PIK3CD: variants seen among roughly 807,000 people sequenced by gnomAD.
PIK3CD encodes phosphatidylinositol-4,5-bisphosphate 3-kinase catalytic subunit delta.
A neutral mutation model predicts 122.9 loss-of-function variants in PIK3CD; 20 were observed. That is an observed-to-expected ratio of 0.16 (90% CI 0.11 to 0.24). The LOEUF is 0.24. Ranked by LOEUF, PIK3CD falls within the 10% of genes least tolerant of loss-of-function variation. PIK3CD has a pLI of 1.00. For missense variants in PIK3CD, 787 were observed against 1,406.3 expected (o/e 0.56, Z 7.04); for synonymous variants, 596 against 593.4 (o/e 1.00, Z -0.06).
In PIK3CD at chr1:9,711,283, T is replaced by G. The variant is rs551265567; in HGVS notation, c.141+687T>G. Among the ~76,000 whole-genome samples, 49 of 151,882 alleles carry G rather than the reference T, an allele frequency of 3.2e-4. 1 individual carries two copies. Among genetic ancestry groups the G allele is most frequent in the African/African-American group, 1.1e-3 (47 of 41,398 alleles). On this transcript the variant is annotated intron_variant, in intron 3 of 23. Transcript: ENST00000377346. ...TAATTTTTGTGTTTTTTAGTAGAGATGGGGTTATGCCATGTTGGCCTGGCT... is the reference window on the plus strand; with the variant it reads ...TAATTTTTGTGTTTTTTAGTAGAGAGGGGGTTATGCCATGTTGGCCTGGCT...
intron 5 of PIK3CD, 160 bp downstream of exon 5, chr1:9,716,238 C>G (rs1282087959): frequency 3.6e-6 from 3 of 825,776 alleles, no homozygotes; most frequent in East Asian, 2.7e-5. Context: ...GAACGTCCCC[C>G]CAGGCAAGCT....
In PIK3CD at chr1:9,705,413, A is replaced by G. The variant is rs148864408; in HGVS notation, c.-32-5011A>G. Among the ~76,000 whole-genome samples, 551 of 151,664 alleles carry G rather than the reference A, an allele frequency of 3.6e-3. 4 individuals carry two copies. Among genetic ancestry groups the G allele is most frequent in the African/African-American group, 0.013 (531 of 41,324 alleles). Reference sequence around the variant, plus strand: ...CTGGGAGCCTGAGGTTGGGAGGATCACCTGAGCCTGGGAGGTTGAGGCTGC... The same window carrying G: ...CTGGGAGCCTGAGGTTGGGAGGATCGCCTGAGCCTGGGAGGTTGAGGCTGC... On this transcript the variant is annotated intron_variant, in intron 2 of 23. Coordinates refer to ENST00000377346, the MANE Select transcript of PIK3CD (RefSeq NM_005026.5).
intron 2 of PIK3CD, among the ~76,000 whole-genome samples, chr1:9,701,668 CA>C (rs1163030937): frequency 0.29 from 23,011 of 79,066 alleles, 1,336 homozygotes; most frequent in South Asian, 0.41. Context: ...GACTCTGTCT[CA>C]AAAAAAAAAA....
intron 2 of PIK3CD, among the ~76,000 whole-genome samples, chr1:9,705,834 T>G (rs1380085513): frequency 2.0e-5 from 3 of 152,300 alleles, no homozygotes; most frequent in Admixed American, 6.5e-5. Flanking sequence ...GACCAATATC[T>G]GGAGATTGAT....
At chr1:9,687,625 G>C (rs1646019500) in intron 1 of PIK3CD, 1 of 152,148 alleles carries the variant, frequency 6.6e-6, no homozygotes, top group Non-Finnish European at 1.5e-5. Context: ...CCCGGCCCGG[G>C]CTCCGCCCTC....
rs947204988 is a variant in PIK3CD at position 9,722,450 on chromosome 1, C to T, written c.2348-78C>T. ...GGGTGGAGAAGACAGAATCCTGGGA[C>T]TTAAGGGCTTGGGTGTAGCTGGAAG... On this transcript the variant is annotated intron_variant, in intron 18 of 23. Transcript: ENST00000377346. The surrounding 1 kb of genome is among the most constrained non-coding windows in gnomAD (Gnocchi z 7.6). 5 of 1,542,866 alleles carry T rather than the reference C, an allele frequency of 3.2e-6. No individual in the cohort carries two copies. In the African/African-American group the frequency reaches 5.4e-5, roughly 17 times the overall value.
chr1:9,710,285 G>C lies in PIK3CD; in HGVS notation c.-32-139G>C. 1 of 739,746 alleles carries C rather than the reference G, an allele frequency of 1.4e-6. No individual in the cohort carries two copies. The highest frequency in any genetic ancestry group is 2.0e-5 in the Admixed American group (1 of 51,146). The allele number at this position is 739,746 out of a possible 1,614,324, so 45.8% of individuals were successfully genotyped here. ...CAGGACGAGGCCCTGAGGGAGGTGA[G>C]CTTTTTGTACCCGCAGGTCGGGAAC... is the stretch of plus-strand genomic sequence containing the variant. On this transcript the variant is annotated intron_variant, in intron 2 of 23. Transcript: ENST00000377346. This position sits in a 1 kb window ranked among gnomAD's most constrained non-coding sequence, Gnocchi z 4.7.
chr1:9,720,777 G>T lies in PIK3CD; in HGVS notation c.1557G>T (p.Gly519=), dbSNP rs1458133976. 6.2e-7 allele frequency: 1 copy of T among 1,612,828 alleles called. No homozygotes were observed. The highest frequency in any genetic ancestry group is 1.7e-5 in the Admixed American group (1 of 59,928). Residue 519 remains glycine, a synonymous_variant, in exon 13 of 24, where the codon GGG becomes GGT. Coordinates refer to ENST00000377346, the MANE Select transcript of PIK3CD (RefSeq NM_005026.5). The surrounding 1 kb of genome is among the most constrained non-coding windows in gnomAD (Gnocchi z 9.0). ...TGCGGGAAATCCTGGAGCGGCGGGG[G>T]TCTGGGGAGCTGTATGAGCACGAGA... ...LQLREILERR[G]SGELYEHEKD...
At chr1:9,631,493 A>T in the PIK3CD span, among the ~76,000 whole-genome samples, 1 of 152,228 alleles carries the variant, frequency 6.6e-6, no homozygotes, top group Non-Finnish European at 1.5e-5. Flanking sequence ...CGTCTCTACT[A>T]AAAATACAAA....
rs774569051 is a variant in PIK3CD at position 9,716,088 on chromosome 1, T to C, written c.600+10T>C. On this transcript the variant is annotated intron_variant, in intron 5 of 23. Coordinates refer to ENST00000377346, the MANE Select transcript of PIK3CD (RefSeq NM_005026.5). ...GTTTGAGGGCAGCGAGGTGAGCCCATGCGTGGCCTGCGGCATCCAGGCTGC... is the reference window on the plus strand; with the variant it reads ...GTTTGAGGGCAGCGAGGTGAGCCCACGCGTGGCCTGCGGCATCCAGGCTGC... 12 of 1,603,496 alleles carry C rather than the reference T, an allele frequency of 7.5e-6. No individual in the cohort carries two copies. The highest frequency in any genetic ancestry group is 2.2e-5 in the East Asian group (1 of 44,724).
rs1224181107 is a variant in PIK3CD, at chr1:9,652,913, C to G, written c.-138+1111C>G. On this transcript the variant is annotated intron_variant, in intron 1 of 23. Transcript: ENST00000377346. This position sits in a 1 kb window ranked among gnomAD's most constrained non-coding sequence, Gnocchi z 6.2. ...CTCGCGTGGCACCCTTGGGATCTGC[C>G]CAGTTTGCGGATGGAGCGCGGGGCT... is the stretch of plus-strand genomic sequence containing the variant. 6.6e-6 allele frequency: 1 copy of G among 152,194 alleles called. No individual in the cohort carries two copies. Among genetic ancestry groups the G allele is most frequent in the East Asian group, 1.9e-4 (1 of 5,178 alleles). The allele number at this position is 152,194 out of a possible 1,614,324, so 9.4% of individuals were successfully genotyped here.
rs575761252 is a variant in PIK3CD, at chr1:9,710,974, G to A, written c.141+378G>A. Reference sequence around the variant, plus strand: ...CTAATTTTGTATTTTTAGTAGAGACGGGGTTTCTCCATGTTGGTCAGGCTG... The same window carrying A: ...CTAATTTTGTATTTTTAGTAGAGACAGGGTTTCTCCATGTTGGTCAGGCTG... On this transcript the variant is annotated intron_variant, in intron 3 of 23. Coordinates refer to ENST00000377346, the MANE Select transcript of PIK3CD (RefSeq NM_005026.5). This position sits in a 1 kb window ranked among gnomAD's most constrained non-coding sequence, Gnocchi z 4.7. Among the ~76,000 whole-genome samples, 58 of 151,984 alleles carry A rather than the reference G, an allele frequency of 3.8e-4. No individual in the cohort carries two copies. The highest frequency in any genetic ancestry group is 2.1e-3 in the East Asian group (11 of 5,160).
the PIK3CD span, among the ~76,000 whole-genome samples, chr1:9,639,989 G>A: frequency 1.3e-5 from 2 of 151,806 alleles, no homozygotes; most frequent in African/African-American, 4.8e-5. Flanking sequence ...CAATCCTCCT[G>A]CCTCATCCTC....
At chr1:9,714,403 G>A (rs1301584851) in intron 3 of PIK3CD, among the ~76,000 whole-genome samples, 1 of 152,178 alleles carries the variant, frequency 6.6e-6, no homozygotes, top group Admixed American at 6.5e-5. Flanking sequence ...ATGAAGAGGC[G>A]TGGCTTTTTG....
the PIK3CD span, among the ~76,000 whole-genome samples, chr1:9,628,638 G>A: frequency 2.6e-5 from 4 of 152,192 alleles, no homozygotes; most frequent in Non-Finnish European, 5.9e-5. Context: ...CGGGCAGACT[G>A]CCTTCTTTGC....
Position 9,714,512 on chromosome 1 carries a change from G to GT in PIK3CD, c.142-1023dup, listed in dbSNP as rs901062757. Among the ~76,000 whole-genome samples, 6 of 152,196 alleles carry GT rather than the reference G, an allele frequency of 3.9e-5. No homozygotes were observed. In the East Asian group the frequency reaches 7.7e-4, roughly 20 times the overall value. The stretch of plus-strand genomic sequence containing the variant: ...ATGTTTATTAGGGGTTTTTTTGTTT[G>GT]TTTTTTAATGGAAATGGGCTTGACC... On this transcript the variant is annotated intron_variant, in intron 3 of 23. Transcript: ENST00000377346.
chr1:9,628,737 G>A, the PIK3CD span, among the ~76,000 whole-genome samples: 4 of 152,200 alleles, frequency 2.6e-5, no homozygotes, highest in Admixed American at 1.3e-4. Context: ...GGAATGTTGG[G>A]GGGATTTCCA....
rs1382587285 is a variant in PIK3CD, at chr1:9,722,046, C to T, written c.2127C>T (p.Pro709=). The part of the protein sequence containing the change: ...VKLSSQKTPK[P]QTKELMHLCM... ...TGAGCTCTCAGAAGACCCCCAAGCC[C>T]CAGACCAAGGAGCTGATGCACTTGT... is the stretch of plus-strand genomic sequence containing the variant. The change falls in exon 17 of 24, where the codon CCC becomes CCT. Residue 709 remains proline, a synonymous_variant. Transcript: ENST00000377346. The surrounding 1 kb of genome is among the most constrained non-coding windows in gnomAD (Gnocchi z 7.6). The T allele has an allele frequency of 1.2e-6, 2 of 1,613,618 alleles. No individual in the cohort carries two copies. Among genetic ancestry groups the T allele is most frequent in the African/African-American group, 2.7e-5 (2 of 74,944 alleles).
At chr1:9,711,545 C>G (rs546391187) in intron 3 of PIK3CD, among the ~76,000 whole-genome samples, 1 of 152,126 alleles carries the variant, frequency 6.6e-6, no homozygotes, top group Non-Finnish European at 1.5e-5. Flanking sequence ...CTGCCTCCCA[C>G]GGTGGGCTTT....
Sources: gnomAD v4.1 joint callset for allele counts (sites outside exome capture counted in the v4.1 genomes callset) on GRCh38, gnomAD v4.1.1 for gene constraint, Gnocchi (gnomAD v3.1) non-coding constraint, MANE v1.5 for transcripts, NCBI Gene and HGNC (gene_info 2026-07-23, HGNC 2026-07-21) for gene names.